Variants in NME7 observed in about 807,000 individuals in gnomAD.
The protein encoded by NME7 is NME/NM23 family member 7.
NME7 carries 41 observed loss-of-function variants against 49.1 expected under a neutral mutation model. The observed-to-expected ratio is 0.83, with a 90% CI of 0.65 to 1.08. NME7 has a LOEUF of 1.08. NME7 is among the 50% of genes least tolerant of loss of function. NME7 has a pLI of 0.00. For synonymous variants in NME7, 139 were observed against 150.6 expected (o/e 0.92, Z 0.56); for missense variants, 423 against 463.4 (o/e 0.91, Z 0.80).
chr1:169,230,507 T>C (rs945195196), intron 10 of NME7, among the ~76,000 whole-genome samples: 1 of 152,212 alleles, frequency 6.6e-6, no homozygotes, highest in Non-Finnish European at 1.5e-5. Context: ...CTTCTGCCTA[T>C]TCTATATTGT....
chr1:169,335,043 T>C (rs1652405148), intron 1 of NME7, among the ~76,000 whole-genome samples: 1 of 151,976 alleles, frequency 6.6e-6, no homozygotes, highest in Non-Finnish European at 1.5e-5. Flanking sequence ...AGAATGACGA[T>C]TAAAAAGTAG....
At position 169,230,074 on chromosome 1, in the gene NME7, C is replaced by T. The variant is rs190796382; in HGVS notation, c.990+644G>A. On this transcript the variant is annotated intron_variant, in intron 10 of 11. Transcript: ENST00000367811. ...TAATAGTAAAATACAGGAAACAGTACATTTACATTAAGGTTAGTATTTAAA... is the reference window on the plus strand; with the variant it reads ...TAATAGTAAAATACAGGAAACAGTATATTTACATTAAGGTTAGTATTTAAA... 1.6e-4 allele frequency among the ~76,000 whole-genome samples: 24 copies of T among 152,122 alleles called. No individual in the cohort carries two copies. In the East Asian group the frequency reaches 3.1e-3, roughly 20 times the overall value.
intron 9 of NME7, among the ~76,000 whole-genome samples, chr1:169,231,554 G>T (rs1379858304): frequency 6.6e-6 from 1 of 152,138 alleles, no homozygotes; most frequent in Middle Eastern, 3.2e-3. Flanking sequence ...ATCTGCAGAG[G>T]AGTTCCCATG....
intron 9 of NME7, among the ~76,000 whole-genome samples, chr1:169,232,912 C>CTTTTTTTTTTTTTT (rs10545228): frequency 2.0e-4 from 15 of 74,526 alleles, no homozygotes; most frequent in Non-Finnish European, 2.0e-4. Context: ...GTTTTCTTTT[C>CTTTTTTTTTTTTTT]TTTTTTTTTT....
At chr1:169,344,870 T>G (rs1652902983) in intron 1 of NME7, among the ~76,000 whole-genome samples, 1 of 152,184 alleles carries the variant, frequency 6.6e-6, no homozygotes, top group African/African-American at 2.4e-5. Context: ...GCTGAGTGAG[T>G]TGTACTTCCT....
intron 1 of NME7, among the ~76,000 whole-genome samples, chr1:169,338,726 CA>C (rs1397118693): frequency 3.3e-5 from 5 of 152,130 alleles, no homozygotes; most frequent in Non-Finnish European, 5.9e-5. Flanking sequence ...CTTCCCAGAC[CA>C]ACCCCAGCCA....
At chr1:169,157,311 A>G (rs1659106640) in intron 11 of NME7, among the ~76,000 whole-genome samples, 1 of 152,200 alleles carries the variant, frequency 6.6e-6, no homozygotes, top group African/African-American at 2.4e-5. Flanking sequence ...AGTCCCTTAT[A>G]AGCCCAGGTC....
chr1:169,255,576 A>T (rs1428050372), intron 7 of NME7, among the ~76,000 whole-genome samples: 1 of 127,042 alleles, frequency 7.9e-6, no homozygotes, highest in Non-Finnish European at 1.8e-5. Flanking sequence ...TAAAGTTAAT[A>T]TTGTTATGTG....
intron 11 of NME7, among the ~76,000 whole-genome samples, chr1:169,133,498 A>G (rs543995986): frequency 1.3e-5 from 2 of 152,346 alleles, no homozygotes; most frequent in Non-Finnish European, 2.9e-5. Context: ...AAACAGCTTC[A>G]GTTTCCACCT....
At position 169,149,862 on chromosome 1, in the gene NME7, A is replaced by C. The variant is rs538778117; in HGVS notation, c.1099-17045T>G. Reference sequence around the variant, plus strand: ...TTGAGAGTAACTGGGACCAATGGAAAGCAAAACTGTGGATAAGGGGAGATT... The same window carrying C: ...TTGAGAGTAACTGGGACCAATGGAACGCAAAACTGTGGATAAGGGGAGATT... On this transcript the variant is annotated intron_variant, in intron 11 of 11. Coordinates refer to ENST00000367811, the MANE Select transcript of NME7 (RefSeq NM_013330.5). Among the ~76,000 whole-genome samples the C allele has an allele frequency of 1.8e-3, 277 of 152,380 alleles. 2 individuals carry two copies. The highest frequency in any genetic ancestry group is 6.4e-3 in the African/African-American group (268 of 41,588).
rs536996045 is a variant in NME7, at chr1:169,323,100, T to C, written c.278+17A>G. The stretch of plus-strand genomic sequence containing the variant: ...AAAGTTAGAGCATGTAAAAAGATTA[T>C]ATAATTGTTTTCTTACTTTTCTTTC... On this transcript the variant is annotated intron_variant, in intron 3 of 11. Transcript: ENST00000367811. 5.4e-5 allele frequency: 82 copies of C among 1,528,570 alleles called. 1 individual carries two copies. In the South Asian group the frequency reaches 1.0e-3, roughly 19 times the overall value. 94.7% of individuals were successfully genotyped at this position (1,528,570 alleles called of 1,614,324 possible). A position where few individuals can be genotyped will look rare whatever the true frequency, so the allele number is the denominator to read the frequency against.
At chr1:169,320,557 G>A (rs1651816034) in intron 3 of NME7, among the ~76,000 whole-genome samples, 1 of 152,134 alleles carries the variant, frequency 6.6e-6, no homozygotes, top group Admixed American at 6.6e-5. Context: ...TGTTTCTGTG[G>A]AACGCTGATA....
intron 10 of NME7, among the ~76,000 whole-genome samples, chr1:169,224,701 A>C (rs548243939): frequency 2.0e-4 from 30 of 152,214 alleles, no homozygotes; most frequent in Non-Finnish European, 3.5e-4. Flanking sequence ...TGTCCAGTAC[A>C]TGACTCTAGA....
intron 7 of NME7, among the ~76,000 whole-genome samples, chr1:169,278,303 C>T (rs1219685681): frequency 6.6e-6 from 1 of 151,650 alleles, no homozygotes; most frequent in Admixed American, 6.6e-5. Flanking sequence ...GTTCCATTCT[C>T]CCCGTCACTT....
rs186411246 is a variant in NME7 at position 169,237,118 on chromosome 1, C to T, written c.819+505G>A. 1.3e-3 allele frequency among the ~76,000 whole-genome samples: 204 copies of T among 152,062 alleles called. 1 individual carries two copies. The highest frequency in any genetic ancestry group is 2.1e-3 in the Non-Finnish European group (144 of 67,954). Reference sequence around the variant, plus strand: ...ACAAGCGTGGGCTCTGAAGGTGCAGCGGTACAAGTGCCAACAGAGTTGCTA... The same window carrying T: ...ACAAGCGTGGGCTCTGAAGGTGCAGTGGTACAAGTGCCAACAGAGTTGCTA... On this transcript the variant is annotated intron_variant, in intron 8 of 11. Transcript: ENST00000367811.
At chr1:169,187,262 T>G (rs543650198) in intron 10 of NME7, among the ~76,000 whole-genome samples, 1 of 152,262 alleles carries the variant, frequency 6.6e-6, no homozygotes, top group East Asian at 1.9e-4. Context: ...CTATTGGGTC[T>G]GCTTGGTCCA....
chr1:169,169,596 T>C (rs765680560), intron 10 of NME7, 42 bp from the exon 11 acceptor site: 7 of 1,555,694 alleles, frequency 4.5e-6, no homozygotes, highest in Middle Eastern at 1.7e-4. Context: ...GTTAGTCATA[T>C]GGTATAAATA....
chr1:169,175,872 G>A (rs772958193), intron 10 of NME7, among the ~76,000 whole-genome samples: 4 of 152,198 alleles, frequency 2.6e-5, no homozygotes, highest in Admixed American at 2.6e-4. Flanking sequence ...TACAATCATT[G>A]TCCTCCTTTC....
At chr1:169,237,363 T>G (rs980642581) in intron 8 of NME7, among the ~76,000 whole-genome samples, 2 of 152,092 alleles carry the variant, frequency 1.3e-5, no homozygotes, top group African/African-American at 4.8e-5. Flanking sequence ...GCAACTAAAG[T>G]TTCCAGAATT....
Sources: gnomAD v4.1 joint callset for allele counts (sites outside exome capture counted in the v4.1 genomes callset) on GRCh38, gnomAD v4.1.1 for gene constraint, MANE v1.5 for transcripts, NCBI Gene and HGNC (gene_info 2026-07-23, HGNC 2026-07-21) for gene names.